The following RAB30 variants were observed in gnomAD, a reference collection of about 807,000 sequenced individuals.
The protein encoded by RAB30 is RAB30, member RAS oncogene family.
A neutral mutation model predicts 25.1 loss-of-function variants in RAB30; 9 were observed. The observed-to-expected ratio is 0.36, with a 90% CI of 0.22 to 0.63. The LOEUF (loss-of-function observed/expected upper bound fraction) is 0.63. RAB30 is among the 20% of genes least tolerant of loss of function. RAB30 has a pLI of 0.69. For missense variants in RAB30, 140 were observed against 243.5 expected, an observed-to-expected ratio of 0.58 and a Z score of 2.83; for synonymous variants, 77 against 86.4, an observed-to-expected ratio of 0.89 and a Z score of 0.60.
chr11:83,026,827 T>C (rs1857727392), intron 1 of RAB30, among the ~76,000 whole-genome samples: 1 of 151,860 alleles, frequency 6.6e-6, no homozygotes, highest in Admixed American at 6.6e-5. Flanking sequence ...AAAAAAACCT[T>C]ATAAGTACAG....
intron 1 of RAB30, among the ~76,000 whole-genome samples, chr11:83,057,464 T>C (rs1427528960): frequency 6.6e-6 from 1 of 152,200 alleles, no homozygotes; most frequent in East Asian, 1.9e-4. Flanking sequence ...TCTTGAGTTT[T>C]GGAAGGAAAA....
At chr11:83,020,315 A>C (rs1857542791) in intron 1 of RAB30, among the ~76,000 whole-genome samples, 1 of 152,180 alleles carries the variant, frequency 6.6e-6, no homozygotes, top group Non-Finnish European at 1.5e-5. Context: ...GCCTGCTCTA[A>C]TCTCAGAGCA....
At position 82,982,099 on chromosome 11, in the gene RAB30, T is replaced by C; in HGVS notation, c.*66A>G. 1 of 1,594,844 alleles carries C rather than the reference T, an allele frequency of 6.3e-7. No individual in the cohort carries two copies. Among genetic ancestry groups the C allele is most frequent in the Non-Finnish European group, 8.6e-7 (1 of 1,166,772 alleles). On this transcript the variant is annotated 3_prime_UTR_variant, in exon 5 of 5. Transcript: ENST00000527633. ...AGCGGGAGCCACAGTCATCGCCAGATCTCCCCAGCATCTCATGGCCCATCA... is the reference window on the plus strand; with the variant it reads ...AGCGGGAGCCACAGTCATCGCCAGACCTCCCCAGCATCTCATGGCCCATCA...
At chr11:83,056,736 T>C (rs1483994093) in intron 1 of RAB30, among the ~76,000 whole-genome samples, 1 of 152,184 alleles carries the variant, frequency 6.6e-6, no homozygotes, top group Non-Finnish European at 1.5e-5. Flanking sequence ...CATACGATCT[T>C]AGGCATGCTA....
At chr11:82,984,940 T>C (rs1179145170) in intron 4 of RAB30, among the ~76,000 whole-genome samples, 1 of 152,170 alleles carries the variant, frequency 6.6e-6, no homozygotes, top group East Asian at 1.9e-4. Context: ...GGAGCATCAA[T>C]AATAATAATT....
At chr11:83,022,885 T>C (rs562085486) in intron 1 of RAB30, among the ~76,000 whole-genome samples, 8 of 152,088 alleles carry the variant, frequency 5.3e-5, no homozygotes, top group Non-Finnish European at 1.0e-4. Context: ...AGAATACACA[T>C]GCTGAAATGA....
chr11:82,992,415 G>T, intron 3 of RAB30: 3 of 455,732 alleles, frequency 6.6e-6, no homozygotes, highest in South Asian at 4.7e-5. Flanking sequence ...GGCTGGAAGA[G>T]ACACTGAGAG....
intron 1 of RAB30, among the ~76,000 whole-genome samples, chr11:83,052,900 T>A (rs1212202709): frequency 6.6e-6 from 1 of 152,176 alleles, no homozygotes; most frequent in African/African-American, 2.4e-5. Context: ...CAAACACTCA[T>A]ACATTGACTG....
At position 82,991,065 on chromosome 11, in the gene RAB30, G is replaced by GC. The variant is rs550814249; in HGVS notation, c.177+2973dup. On this transcript the variant is annotated intron_variant, in intron 3 of 4. Coordinates refer to ENST00000527633, the MANE Select transcript of RAB30 (RefSeq NM_001286060.2). Reference sequence around the variant, plus strand: ...ATGAGGGTGTCAGGAGAGTGGTCCTGCCACTCACCAAGCGGGTGATGCCAT... The same window carrying GC: ...ATGAGGGTGTCAGGAGAGTGGTCCTGCCCACTCACCAAGCGGGTGATGCCAT... Among the ~76,000 whole-genome samples, 455 of 152,244 alleles carry GC rather than the reference G, an allele frequency of 3.0e-3. 3 individuals carry two copies. The highest frequency in any genetic ancestry group is 5.8e-3 in the Admixed American group (89 of 15,290).
intron 1 of RAB30, among the ~76,000 whole-genome samples, chr11:83,014,648 A>AAG (rs1376316660): frequency 7.5e-6 from 1 of 132,648 alleles, no homozygotes; most frequent in East Asian, 2.3e-4. Context: ...GAAAGAAAGA[A>AAG]AGAAAGAAAG....
chr11:83,030,856 A>G (rs2121513754), intron 1 of RAB30, among the ~76,000 whole-genome samples: 1 of 152,290 alleles, frequency 6.6e-6, no homozygotes, highest in Middle Eastern at 3.4e-3. Flanking sequence ...ACAAGTTCAT[A>G]CATATGTTGA....
rs560430168 is a variant in RAB30 at position 83,052,423 on chromosome 11, G to C, written c.-9+19268C>G. 2.0e-4 allele frequency among the ~76,000 whole-genome samples: 30 copies of C among 152,256 alleles called. No homozygotes were observed. In the South Asian group the frequency reaches 6.0e-3, roughly 30 times the overall value. The stretch of plus-strand genomic sequence containing the variant: ...CTATAGCCCAAACTATGGAATACCA[G>C]GGAAGAGAAATGGCCTGGCTAGAGG... On this transcript the variant is annotated intron_variant, in intron 1 of 4. Coordinates refer to ENST00000527633, the MANE Select transcript of RAB30 (RefSeq NM_001286060.2).
At chr11:83,046,060 A>G (rs2121516762) in intron 1 of RAB30, among the ~76,000 whole-genome samples, 1 of 152,320 alleles carries the variant, frequency 6.6e-6, no homozygotes, top group East Asian at 1.9e-4. Flanking sequence ...TGCCAAATAA[A>G]TCACCTTTCT....
Position 83,049,355 on chromosome 11 carries a change from G to A in RAB30, c.-9+22336C>T, listed in dbSNP as rs543335814. Among the ~76,000 whole-genome samples the A allele has an allele frequency of 1.5e-4, 22 of 150,250 alleles. No homozygotes were observed. In the South Asian group the frequency reaches 4.6e-3, roughly 32 times the overall value. On this transcript the variant is annotated intron_variant, in intron 1 of 4. Transcript: ENST00000527633. ...GAACCCGGGAGGCGGAGGTTGCAGTGAGCCGAGATTAAGCCACTGCACTCC... is the reference window on the plus strand; with the variant it reads ...GAACCCGGGAGGCGGAGGTTGCAGTAAGCCGAGATTAAGCCACTGCACTCC...
At chr11:83,063,728 A>G (rs1057284248) in intron 1 of RAB30, among the ~76,000 whole-genome samples, 3 of 152,218 alleles carry the variant, frequency 2.0e-5, no homozygotes, top group Non-Finnish European at 4.4e-5. Flanking sequence ...CATTGCTGAC[A>G]AGAATTTAAA....
At chr11:83,004,534 A>C (rs1857147180) in intron 1 of RAB30, among the ~76,000 whole-genome samples, 1 of 152,176 alleles carries the variant, frequency 6.6e-6, no homozygotes, top group Non-Finnish European at 1.5e-5. Context: ...AATCCAAAAC[A>C]ACCAGAGGAA....
chr11:83,036,997 G>A (rs1397175257), intron 1 of RAB30, among the ~76,000 whole-genome samples: 3 of 152,182 alleles, frequency 2.0e-5, no homozygotes, highest in Admixed American at 6.5e-5. Flanking sequence ...GTTTTAATCA[G>A]GGAAATAGTG....
At chr11:83,055,919 C>T (rs962882642) in intron 1 of RAB30, among the ~76,000 whole-genome samples, 1 of 152,196 alleles carries the variant, frequency 6.6e-6, no homozygotes, top group Non-Finnish European at 1.5e-5. Context: ...TTTCCAGCCT[C>T]CAGAACTGTA....
chr11:83,032,025 C>T (rs182348762), intron 1 of RAB30, among the ~76,000 whole-genome samples: 1 of 152,228 alleles, frequency 6.6e-6, no homozygotes, highest in Admixed American at 6.5e-5. Flanking sequence ...TGAAAGGACG[C>T]CAAAGAAAGA....
Sources: gnomAD v4.1 joint callset for allele counts (sites outside exome capture counted in the v4.1 genomes callset) on GRCh38, gnomAD v4.1.1 for gene constraint, MANE v1.5 for transcripts, NCBI Gene and HGNC (gene_info 2026-07-23, HGNC 2026-07-21) for gene names.